SHISAL1: variants seen among roughly 807,000 people sequenced by gnomAD.
The protein encoded by SHISAL1 is shisa like 1, also known as protein shisa-like-1.
A neutral mutation model predicts 22.6 loss-of-function variants in SHISAL1; 9 were observed. The ratio of observed to expected loss-of-function variants is 0.40; its 90% CI spans 0.24 to 0.70. The LOEUF (loss-of-function observed/expected upper bound fraction) is 0.70. Ranked by LOEUF, SHISAL1 falls within the 30% of genes least tolerant of loss-of-function variation. The pLI is 0.39. For synonymous variants in SHISAL1, 119 were observed against 115.4 expected, an observed-to-expected ratio of 1.03 and a Z score of -0.20; for missense variants, 246 against 270.6, an observed-to-expected ratio of 0.91 and a Z score of 0.64.
the SHISAL1 span, among the ~76,000 whole-genome samples, chr22:44,327,850 T>C: frequency 1.3e-5 from 2 of 152,146 alleles, no homozygotes; most frequent in African/African-American, 2.4e-5. Context: ...CTGGCTCAGA[T>C]GTCCAGAACT....
chr22:44,317,516 A>G (rs1404437420), upstream of SHISAL1, among the ~76,000 whole-genome samples: 1 of 151,796 alleles, frequency 6.6e-6, no homozygotes, highest in Non-Finnish European at 1.5e-5. Flanking sequence ...GCCTCCTCCC[A>G]CCTCATCTGC....
At chr22:44,298,855 C>T (rs2055406134) in intron 2 of SHISAL1, among the ~76,000 whole-genome samples, 1 of 152,218 alleles carries the variant, frequency 6.6e-6, no homozygotes, top group Admixed American at 6.5e-5. Context: ...CACCACTGGG[C>T]GGTCAGCGCC....
the SHISAL1 span, among the ~76,000 whole-genome samples, chr22:44,329,314 G>T: frequency 6.6e-6 from 1 of 152,054 alleles, no homozygotes; most frequent in African/African-American, 2.4e-5. Context: ...GGTCCCGCTC[G>T]CTTTCTTTGT....
rs1393345267 is a variant in SHISAL1, at chr22:44,245,914, T to C, written c.*3771A>G. ...CACCCTGGGAACACTGTCAGCTGCC[T>C]ACTTGCTGCTTTCTAGAGCATTGGA... On this transcript the variant is annotated 3_prime_UTR_variant, in exon 5 of 5. Transcript: ENST00000381176. The C allele has an allele frequency of 1.3e-5, 2 of 152,274 alleles. No homozygotes were observed. Among genetic ancestry groups the C allele is most frequent in the African/African-American group, 4.8e-5 (2 of 41,470 alleles). 9.4% of individuals were successfully genotyped at this position (152,274 alleles called of 1,614,324 possible). A position where few individuals can be genotyped will look rare whatever the true frequency, so the allele number is the denominator to read the frequency against.
the SHISAL1 span, among the ~76,000 whole-genome samples, chr22:44,319,247 C>T: frequency 1.3e-5 from 2 of 152,246 alleles, no homozygotes; most frequent in African/African-American, 2.4e-5. Context: ...CTCCAATGTT[C>T]CCAAAAGGAG....
At chr22:44,300,234 G>T (rs2147302043) in intron 2 of SHISAL1, among the ~76,000 whole-genome samples, 1 of 152,252 alleles carries the variant, frequency 6.6e-6, no homozygotes, top group South Asian at 2.1e-4. Context: ...AAGACAGAGA[G>T]ACAGAGACCC....
intron 4 of SHISAL1, among the ~76,000 whole-genome samples, chr22:44,253,782 C>T (rs975121981): frequency 1.3e-5 from 2 of 151,676 alleles, no homozygotes; most frequent in African/African-American, 4.9e-5. Context: ...ATTCCATATG[C>T]AGTTGGCAAA....
intron 2 of SHISAL1, among the ~76,000 whole-genome samples, chr22:44,300,425 G>A (rs373762680): frequency 7.0e-4 from 107 of 152,322 alleles, no homozygotes; most frequent in African/African-American, 2.4e-3. Flanking sequence ...GCCCACCTGC[G>A]ACCTCAACTG....
At chr22:44,249,780 C>G (rs901280157) in intron 4 of SHISAL1, 95 bp from the exon 5 acceptor site, 1 of 757,792 alleles carries the variant, frequency 1.3e-6, no homozygotes, top group Admixed American at 1.8e-5. Flanking sequence ...CAGGTTTTCT[C>G]TGAGCATGTG....
chr22:44,307,779 G>A, intron 1 of SHISAL1, among the ~76,000 whole-genome samples: 1 of 152,216 alleles, frequency 6.6e-6, no homozygotes, highest in Admixed American at 6.5e-5. Flanking sequence ...GGCACGTGAA[G>A]AGAAACAGAG....
upstream of SHISAL1, among the ~76,000 whole-genome samples, chr22:44,314,330 G>A (rs1052894596): frequency 6.6e-6 from 1 of 152,078 alleles, no homozygotes. Flanking sequence ...TTGAACACGG[G>A]TTCAAGTCCC....
At chr22:44,255,890 A>G (rs1179592223) in intron 4 of SHISAL1, among the ~76,000 whole-genome samples, 30 of 152,170 alleles carry the variant, frequency 2.0e-4, no homozygotes, top group Admixed American at 2.0e-3. Flanking sequence ...ATATTTGGTG[A>G]GACATTTTTC....
At chr22:44,269,645 AACAC>A (rs892323199) in intron 4 of SHISAL1, among the ~76,000 whole-genome samples, 24 of 135,604 alleles carry the variant, frequency 1.8e-4, no homozygotes, top group Admixed American at 1.2e-3. Context: ...TGCCACAAAC[AACAC>A]ACACACAATG....
At chr22:44,305,987 G>A (rs952254264) in intron 1 of SHISAL1, among the ~76,000 whole-genome samples, 38 of 152,220 alleles carry the variant, frequency 2.5e-4, no homozygotes, top group African/African-American at 3.9e-4. Context: ...CCCGCCGTGC[G>A]TCACGAGAAG....
chr22:44,269,382 A>G (rs562780878), intron 4 of SHISAL1, among the ~76,000 whole-genome samples: 4 of 148,830 alleles, frequency 2.7e-5, no homozygotes, highest in African/African-American at 7.5e-5. Context: ...CACACACACC[A>G]TGACACACAG....
rs2055031358 is a variant in SHISAL1 at position 44,249,508 on chromosome 22, T to G, written c.*177A>C. The G allele has an allele frequency of 1.8e-6, 1 of 561,846 alleles. No homozygotes were observed. Among genetic ancestry groups the G allele is most frequent in the African/African-American group, 1.9e-5 (1 of 51,938 alleles). The allele number at this position is 561,846 out of a possible 1,614,324, so 34.8% of individuals were successfully genotyped here. On this transcript the variant is annotated 3_prime_UTR_variant, in exon 5 of 5. Transcript: ENST00000381176. The stretch of plus-strand genomic sequence containing the variant: ...CACCCCCAGCCCCTACCCCTGAGTT[T>G]GCTCCTAATCTTAGAAGTCCGCGGA...
chr22:44,322,575 C>T, the SHISAL1 span, among the ~76,000 whole-genome samples: 1 of 152,222 alleles, frequency 6.6e-6, no homozygotes, highest in African/African-American at 2.4e-5. Context: ...AATGTGTTAT[C>T]TTTGCAAGCC....
the SHISAL1 span, among the ~76,000 whole-genome samples, chr22:44,326,338 G>A: frequency 1.3e-5 from 2 of 152,096 alleles, no homozygotes; most frequent in African/African-American, 2.4e-5. Context: ...AATCTGGCAC[G>A]GGAGACAAAC....
rs2054978296 is a variant in SHISAL1 at position 44,244,124 on chromosome 22, G to C, written c.*5561C>G. ...GAAATGGGAAAAATAGGAAGAAACT[G>C]CGTATGAGAAACTGACATGCAATTC... On this transcript the variant is annotated 3_prime_UTR_variant, in exon 5 of 5. Transcript: ENST00000381176. 1 of 152,198 alleles carries C rather than the reference G, an allele frequency of 6.6e-6. No homozygotes were observed. The allele number at this position is 152,198 out of a possible 1,614,324, so 9.4% of individuals were successfully genotyped here.
Sources: gnomAD v4.1 joint callset for allele counts (sites outside exome capture counted in the v4.1 genomes callset) on GRCh38, gnomAD v4.1.1 for gene constraint, MANE v1.5 for transcripts, NCBI Gene and HGNC (gene_info 2026-07-23, HGNC 2026-07-21) for gene names.